The following RBFOX1 variants were observed in gnomAD, a reference collection of about 807,000 sequenced individuals.
The protein encoded by RBFOX1 is RNA binding fox-1 homolog 1.
Under a neutral mutation model 57.7 loss-of-function variants are expected in RBFOX1, and 8 were observed. The observed-to-expected ratio is 0.14, with a 90% confidence interval of 0.08 to 0.25. RBFOX1 has a LOEUF of 0.25. Among genes scored for constraint, RBFOX1 ranks in the 10% least tolerant of loss-of-function variants. The pLI is 1.00. For synonymous variants in RBFOX1, 326 were observed against 222.4 expected (o/e 1.47, Z -4.15); for missense variants, 611 against 548.5 (o/e 1.11, Z -1.14).
At chr16:5,795,732 T>C (rs2054855569) in intron 3 of RBFOX1, among the ~76,000 whole-genome samples, 1 of 152,232 alleles carries the variant, frequency 6.6e-6, no homozygotes, top group Non-Finnish European at 1.5e-5. Context: ...TCCCCCATTA[T>C]ATACATTCAT....
At chr16:7,555,110 A>G (rs2087920400) in intron 5 of RBFOX1, among the ~76,000 whole-genome samples, 1 of 152,180 alleles carries the variant, frequency 6.6e-6, no homozygotes, top group African/African-American at 2.4e-5. Flanking sequence ...GGTTTTTAGT[A>G]GAAGCCCATT....
At chr16:6,803,839 C>A (rs892271893) in intron 3 of RBFOX1, among the ~76,000 whole-genome samples, 7 of 152,072 alleles carry the variant, frequency 4.6e-5, no homozygotes, top group African/African-American at 1.7e-4. Flanking sequence ...TAATTTTTTC[C>A]TAAAGAACTC....
chr16:6,124,951 T>A (rs965670926), intron 1 of RBFOX1, among the ~76,000 whole-genome samples: 1 of 152,142 alleles, frequency 6.6e-6, no homozygotes, highest in Non-Finnish European at 1.5e-5. Flanking sequence ...TACCATTTGG[T>A]GAAATAGGTC....
chr16:6,709,741 A>G (rs1014628764), intron 3 of RBFOX1, among the ~76,000 whole-genome samples: 1 of 152,100 alleles, frequency 6.6e-6, no homozygotes. Flanking sequence ...TGGTAACTTA[A>G]GTGTGGGTTT....
At chr16:7,051,933 T>A (rs1377155083) in intron 3 of RBFOX1, 124 bp from the exon 4 acceptor site, 1 of 1,404,152 alleles carries the variant, frequency 7.1e-7, no homozygotes, top group Non-Finnish European at 9.6e-7. Context: ...AAAAATTAAA[T>A]ACATAATTAA....
chr16:6,180,427 A>G (rs2097053879), intron 1 of RBFOX1, among the ~76,000 whole-genome samples: 1 of 151,176 alleles, frequency 6.6e-6, no homozygotes, highest in South Asian at 2.1e-4. Context: ...TGTCCATAAG[A>G]TACCCTTATA....
At position 7,191,877 on chromosome 16, in the gene RBFOX1, G is replaced by C. The variant is rs544934072; in HGVS notation, c.27+139779G>C. On this transcript the variant is annotated intron_variant, in intron 4 of 15. Coordinates refer to ENST00000550418, the MANE Select transcript of RBFOX1 (RefSeq NM_018723.4). ...ACCATCACCAGGCAACTTTGAGGCA[G>C]AATGTAAGCCTTGGGAATGAAATGC... 3.3e-5 allele frequency among the ~76,000 whole-genome samples: 5 copies of C among 152,346 alleles called. 1 individual carries two copies. The South Asian group carries it at 1.0e-3, about 32-fold the overall frequency.
intron 9 of RBFOX1, among the ~76,000 whole-genome samples, chr16:7,605,025 C>G (rs1400428463): frequency 6.6e-6 from 1 of 152,050 alleles, no homozygotes; most frequent in Non-Finnish European, 1.5e-5. Flanking sequence ...TTTACAAATT[C>G]TAGGTTTCTG....
chr16:6,031,072 G>C (rs184708445), intron 1 of RBFOX1, among the ~76,000 whole-genome samples: 2 of 152,166 alleles, frequency 1.3e-5, no homozygotes, highest in African/African-American at 4.8e-5. Context: ...ACAGAATGGA[G>C]CATTCATGTA....
At position 5,622,853 on chromosome 16, in the gene RBFOX1, T is replaced by A. The variant is rs78349726; in HGVS notation, c.318+23892T>A. Among the ~76,000 whole-genome samples, 1,048 of 152,342 alleles carry A rather than the reference T, an allele frequency of 6.9e-3. 20 individuals carry two copies. Among genetic ancestry groups the A allele is most frequent in the African/African-American group, 0.024 (1,018 of 41,578 alleles). ...TATCCTTACGTGTACGATGGCTGCGTCTGAACCCAACATGTGCAGAGTTTG... is the reference window on the plus strand; with the variant it reads ...TATCCTTACGTGTACGATGGCTGCGACTGAACCCAACATGTGCAGAGTTTG... On this transcript the variant is annotated intron_variant, in intron 3 of 19. Coordinates refer to the RBFOX1 transcript ENST00000641259.
At chr16:6,857,741 A>G (rs991967773) in intron 3 of RBFOX1, among the ~76,000 whole-genome samples, 2 of 152,154 alleles carry the variant, frequency 1.3e-5, no homozygotes, top group African/African-American at 2.4e-5. Flanking sequence ...TGGGAGAGGC[A>G]GGGAGAGCAG....
At chr16:5,357,668 G>A (rs1294190129) in intron 1 of RBFOX1, among the ~76,000 whole-genome samples, 2 of 152,180 alleles carry the variant, frequency 1.3e-5, no homozygotes, top group Admixed American at 6.5e-5. Context: ...CACACCCCAG[G>A]CTCTGGTTTC....
chr16:6,926,838 A>G (rs2075678410), intron 3 of RBFOX1, among the ~76,000 whole-genome samples: 1 of 152,164 alleles, frequency 6.6e-6, no homozygotes, highest in Non-Finnish European at 1.5e-5. Context: ...GATACAAAAT[A>G]CATAAACATC....
intron 3 of RBFOX1, among the ~76,000 whole-genome samples, chr16:6,981,121 A>AT (rs1017651886): frequency 2.8e-5 from 4 of 144,692 alleles, no homozygotes; most frequent in African/African-American, 5.2e-5. Context: ...CTCTTTTTTT[A>AT]TTTTTTTAAT....
At chr16:6,492,117 AGTGT>A (rs112851602) in intron 2 of RBFOX1, among the ~76,000 whole-genome samples, 3 of 151,442 alleles carry the variant, frequency 2.0e-5, no homozygotes, top group Non-Finnish European at 4.4e-5. Flanking sequence ...AGTATATGAA[AGTGT>A]GTGTGTGTGT....
chr16:5,770,710 G>T (rs11866128), intron 3 of RBFOX1, among the ~76,000 whole-genome samples: 1 of 152,130 alleles, frequency 6.6e-6, no homozygotes, highest in African/African-American at 2.4e-5. Context: ...CTCAGTTTTG[G>T]TGCTCGCCTG....
intron 1 of RBFOX1, among the ~76,000 whole-genome samples, chr16:5,465,324 G>C (rs2068919777): frequency 6.6e-6 from 1 of 151,850 alleles, no homozygotes; most frequent in African/African-American, 2.4e-5. Context: ...TATGAAGACA[G>C]AAGTCAGACT....
intron 1 of RBFOX1, among the ~76,000 whole-genome samples, chr16:6,219,050 T>C (rs756002434): frequency 6.6e-6 from 1 of 152,186 alleles, no homozygotes; most frequent in Non-Finnish European, 1.5e-5. Context: ...CAGGTACATA[T>C]TTATCTTGAG....
chr16:6,510,807 G>T (rs929206863), intron 2 of RBFOX1, among the ~76,000 whole-genome samples: 7 of 151,750 alleles, frequency 4.6e-5, no homozygotes, highest in African/African-American at 1.7e-4. Flanking sequence ...ACTGCTAAAG[G>T]TTTTTGTCAT....
Sources: gnomAD v4.1 joint callset for allele counts (sites outside exome capture counted in the v4.1 genomes callset) on GRCh38, gnomAD v4.1.1 for gene constraint, MANE v1.5 for transcripts, NCBI Gene and HGNC (gene_info 2026-07-23, HGNC 2026-07-21) for gene names.